The following CEP85L variants were observed in gnomAD, a reference collection of about 807,000 sequenced individuals.
CEP85L encodes the protein centrosomal protein of 85 kDa-like.
Under a neutral mutation model 100.3 loss-of-function variants are expected in CEP85L, and 60 were observed. The ratio of observed to expected loss-of-function variants is 0.60; its 90% CI spans 0.49 to 0.74. The LOEUF is 0.74. Among genes scored for constraint, CEP85L ranks in the 30% least tolerant of loss-of-function variants. The probability of loss-of-function intolerance (pLI) is 0.00; values close to 1 mark genes in which losing one functional copy is unlikely to be tolerated. For synonymous variants in CEP85L, 319 were observed against 322.7 expected, an observed-to-expected ratio of 0.99 and a Z score of 0.12; for missense variants, 973 against 936.2, an observed-to-expected ratio of 1.04 and a Z score of -0.51.
chr6:118,482,602 G>A (rs1773868616), intron 7 of CEP85L, among the ~76,000 whole-genome samples: 1 of 152,076 alleles, frequency 6.6e-6, no homozygotes. Context: ...CATTTATCTG[G>A]TCATGGACAC....
chr6:118,527,002 C>CT (rs764883723), intron 3 of CEP85L, among the ~76,000 whole-genome samples: 28,943 of 98,330 alleles, frequency 0.29, 5,486 homozygotes, highest in Non-Finnish European at 0.36. Context: ...TTTACTTTTT[C>CT]TTTTTTTTTT....
At chr6:118,639,432 T>A (rs1774722797) in intron 1 of CEP85L, among the ~76,000 whole-genome samples, 2 of 152,198 alleles carry the variant, frequency 1.3e-5, no homozygotes, top group African/African-American at 4.8e-5. Flanking sequence ...TTGCAACTTC[T>A]ACCTACAAAA....
At position 118,545,662 on chromosome 6, in the gene CEP85L, A is replaced by C. The variant is rs1778158534; in HGVS notation, c.1020+19867T>G. Among the ~76,000 whole-genome samples the C allele has an allele frequency of 2.0e-5, 3 of 152,238 alleles. No homozygotes were observed. The South Asian group carries it at 6.2e-4, about 31-fold the overall frequency. ...ACAAAACTATATAAAAACAAAAGTAAAGACATGAACTCATGATTCAGTTGA... is the reference window on the plus strand; with the variant it reads ...ACAAAACTATATAAAAACAAAAGTACAGACATGAACTCATGATTCAGTTGA... On this transcript the variant is annotated intron_variant, in intron 3 of 12. Transcript: ENST00000368491.
At chr6:118,544,245 G>A in intron 3 of CEP85L, among the ~76,000 whole-genome samples, 1 of 152,180 alleles carries the variant, frequency 6.6e-6, no homozygotes, top group East Asian at 1.9e-4. Context: ...AGTATTTGGA[G>A]ACCTAAGGGT....
chr6:118,614,659 C>T (rs893943867), intron 2 of CEP85L, among the ~76,000 whole-genome samples: 1 of 152,090 alleles, frequency 6.6e-6, no homozygotes, highest in Non-Finnish European at 1.5e-5. Flanking sequence ...GCCTGACCAA[C>T]ATGGAGAAAC....
intron 2 of CEP85L, among the ~76,000 whole-genome samples, chr6:118,602,068 G>C (rs1347040032): frequency 6.6e-6 from 1 of 152,040 alleles, no homozygotes; most frequent in Non-Finnish European, 1.5e-5. Context: ...CCTTTTATAA[G>C]AGAACCCTTA....
At chr6:118,690,649 TG>T (rs1416626088) in intron 1 of CEP85L, among the ~76,000 whole-genome samples, 2 of 152,252 alleles carry the variant, frequency 1.3e-5, no homozygotes, top group Non-Finnish European at 1.5e-5. Context: ...CCAAAGCTGC[TG>T]GTGGCCATTT....
chr6:118,515,871 G>T (rs1398701952), intron 4 of CEP85L, among the ~76,000 whole-genome samples: 2 of 152,032 alleles, frequency 1.3e-5, no homozygotes, highest in Non-Finnish European at 2.9e-5. Context: ...TCTACATTAG[G>T]TATTTCTCCG....
chr6:118,596,566 T>G (rs752948305), intron 2 of CEP85L, among the ~76,000 whole-genome samples: 6 of 152,176 alleles, frequency 3.9e-5, no homozygotes, highest in Non-Finnish European at 7.3e-5. Context: ...AACCAAGCGT[T>G]ACATCAACAC....
At chr6:118,484,728 C>A (rs58177419) in intron 6 of CEP85L, among the ~76,000 whole-genome samples, 40 of 151,574 alleles carry the variant, frequency 2.6e-4, no homozygotes, top group African/African-American at 9.7e-4. Flanking sequence ...TTTATGGGAA[C>A]TAAGAGAGGA....
chr6:118,490,725 G>A (rs1270275092), intron 6 of CEP85L, among the ~76,000 whole-genome samples: 1 of 152,102 alleles, frequency 6.6e-6, no homozygotes, highest in Non-Finnish European at 1.5e-5. Flanking sequence ...TAGATACACT[G>A]TAGTATATCT....
At position 118,481,107 on chromosome 6, in the gene CEP85L, T is replaced by C. The variant is rs368098866; in HGVS notation, c.1746-594A>G. Among the ~76,000 whole-genome samples the C allele has an allele frequency of 2.0e-5, 3 of 152,040 alleles. No individual in the cohort carries two copies. In the East Asian group the frequency reaches 5.8e-4, roughly 29 times the overall value. On this transcript the variant is annotated intron_variant, in intron 8 of 12. Transcript: ENST00000368491. ...GAAGTAAGTAAATCTGGAAGATACA[T>C]GGCAAAACTGCTGTACCTTTTACTT...
Position 118,629,235 on chromosome 6 carries a change from C to T in CEP85L, c.232+3218G>A, listed in dbSNP as rs561007246. Among the ~76,000 whole-genome samples, 7 of 152,260 alleles carry T rather than the reference C, an allele frequency of 4.6e-5. No homozygotes were observed. The South Asian group carries it at 1.5e-3, about 32-fold the overall frequency. On this transcript the variant is annotated intron_variant, in intron 2 of 12. Transcript: ENST00000368491. The stretch of plus-strand genomic sequence containing the variant: ...GATTTTGGTATCAGGGGTCCTGGAA[C>T]CAAGCCTCCACAATACCAAAGGATG...
chr6:118,661,756 G>T (rs968540872), intron 1 of CEP85L, among the ~76,000 whole-genome samples: 7 of 152,094 alleles, frequency 4.6e-5, no homozygotes, highest in Admixed American at 4.6e-4. Context: ...AAAATATTTT[G>T]ATATAGAATA....
chr6:118,495,879 T>C (rs1409435296), intron 5 of CEP85L, among the ~76,000 whole-genome samples: 1 of 152,228 alleles, frequency 6.6e-6, no homozygotes, highest in East Asian at 1.9e-4. Flanking sequence ...GGTTGAAAAG[T>C]CTATCAATGT....
At chr6:118,501,582 C>T (rs545887631) in intron 5 of CEP85L, 157 of 547,242 alleles carry the variant, frequency 2.9e-4, no homozygotes, top group South Asian at 2.0e-3. Flanking sequence ...GAAGAACTAA[C>T]GGATAACTTC....
chr6:118,470,702 A>C lies in CEP85L; in HGVS notation c.1915-58T>G, dbSNP rs1247228333. 9.6e-6 allele frequency: 9 copies of C among 937,460 alleles called. No individual in the cohort carries two copies. The East Asian group carries it at 2.1e-4, about 22-fold the overall frequency. 58.1% of individuals were successfully genotyped at this position (937,460 alleles called of 1,614,324 possible). A position where few individuals can be genotyped will look rare whatever the true frequency, so the allele number is the denominator to read the frequency against. ...AGGTTAACATGTAAAGAAAAATCTC[A>C]AACAGAAAGAAGTAGGAATGTTGGC... On this transcript the variant is annotated intron_variant, in intron 10 of 12. Transcript: ENST00000368491.
At chr6:118,700,001 G>C (rs1423470301) in intron 1 of CEP85L, among the ~76,000 whole-genome samples, 1 of 152,170 alleles carries the variant, frequency 6.6e-6, no homozygotes, top group Non-Finnish European at 1.5e-5. Flanking sequence ...GGCCTCTACT[G>C]CTATTATTAT....
upstream of CEP85L, among the ~76,000 whole-genome samples, chr6:118,655,107 G>C (rs1297255905): frequency 6.6e-6 from 1 of 152,126 alleles, no homozygotes; most frequent in Non-Finnish European, 1.5e-5. Flanking sequence ...CTTCATTCTA[G>C]GCTGTGATTT....
Sources: allele counts gnomAD v4.1 joint callset (sites outside exome capture counted in the v4.1 genomes callset), GRCh38; gene constraint gnomAD v4.1.1; transcripts MANE v1.5; gene names NCBI Gene and HGNC (gene_info 2026-07-23, HGNC 2026-07-21).